The following MICAL3 variants were observed in gnomAD, a reference collection of about 807,000 sequenced individuals.
MICAL3 encodes microtubule associated monooxygenase, calponin and LIM domain containing 3, also known as [F-actin]-monooxygenase MICAL3.
A neutral mutation model predicts 207.4 loss-of-function variants in MICAL3; 62 were observed. The ratio of observed to expected loss-of-function variants is 0.30; its 90% CI spans 0.24 to 0.37. The LOEUF (loss-of-function observed/expected upper bound fraction) is 0.37, where lower values mean the gene tolerates loss of function less well. Ranked by LOEUF, MICAL3 falls within the 10% of genes least tolerant of loss-of-function variation. MICAL3 has a pLI of 1.00. For missense variants in MICAL3, 2,368 were observed against 2,635.6 expected (o/e 0.90, Z 2.22); for synonymous variants, 1,077 against 1,069.3 (o/e 1.01, Z -0.14).
At chr22:17,844,642 A>G (rs1924442622) in intron 19 of MICAL3, among the ~76,000 whole-genome samples, 1 of 152,240 alleles carries the variant, frequency 6.6e-6, no homozygotes, top group South Asian at 2.1e-4. Flanking sequence ...TGAAGGGGCA[A>G]AACACGAATA....
chr22:17,914,877 C>A (rs1932381768), intron 1 of MICAL3, among the ~76,000 whole-genome samples: 1 of 152,198 alleles, frequency 6.6e-6, no homozygotes, highest in Non-Finnish European at 1.5e-5. Flanking sequence ...TATGAGGAGT[C>A]AATGACAAAA....
In MICAL3 at chr22:17,796,705, G is replaced by A. The variant is rs556991606; in HGVS notation, c.5651-5404C>T. 3.6e-4 allele frequency among the ~76,000 whole-genome samples: 55 copies of A among 152,158 alleles called. No homozygotes were observed. Among genetic ancestry groups the A allele is most frequent in the Non-Finnish European group, 5.6e-4 (38 of 68,024 alleles). On this transcript the variant is annotated intron_variant, in intron 29 of 31. Coordinates refer to ENST00000441493, the MANE Select transcript of MICAL3 (RefSeq NM_015241.3). The surrounding 1 kb of genome is among the most constrained non-coding windows in gnomAD (Gnocchi z 4.4). ...GAGGCCCGATGTCCCTTCCTGCCTC[G>A]TCTTCTGAAGAGGCCCTGAGAGGGT...
chr22:17,870,800 T>C (rs1927648602), intron 17 of MICAL3, among the ~76,000 whole-genome samples: 1 of 152,164 alleles, frequency 6.6e-6, no homozygotes, highest in African/African-American at 2.4e-5. Context: ...GGAGTGCTTT[T>C]TACCAACATA....
intron 16 of MICAL3, among the ~76,000 whole-genome samples, chr22:17,880,292 A>G (rs1929301677): frequency 6.6e-6 from 1 of 152,222 alleles, no homozygotes; most frequent in Non-Finnish European, 1.5e-5. Flanking sequence ...AAACGGAGCC[A>G]GTAACAGCAC....
At chr22:17,816,588 C>A (rs1921021115) in intron 27 of MICAL3, 102 bp downstream of exon 27, 13 of 915,644 alleles carry the variant, frequency 1.4e-5, no homozygotes, top group Non-Finnish European at 2.2e-5. Context: ...AGCTGTCCAT[C>A]CCTGGCTTGC....
At chr22:17,847,396 T>C (rs1924744042) in intron 19 of MICAL3, among the ~76,000 whole-genome samples, 1 of 152,220 alleles carries the variant, frequency 6.6e-6, no homozygotes, top group African/African-American at 2.4e-5. Flanking sequence ...CTGTTTCCCA[T>C]GTCTGTAAGT....
chr22:17,933,931 T>C (rs1026409102), intron 1 of MICAL3, among the ~76,000 whole-genome samples: 1 of 152,180 alleles, frequency 6.6e-6, no homozygotes, highest in African/African-American at 2.4e-5. Flanking sequence ...AGGAAGAAGT[T>C]GAATCTCTGA....
chr22:17,981,065 CA>C, intron 1 of MICAL3: 1 of 335,552 alleles, frequency 3.0e-6, no homozygotes, highest in Non-Finnish European at 6.6e-6. Flanking sequence ...GACTGGTCTC[CA>C]AAAACATGTG....
intron 1 of MICAL3, among the ~76,000 whole-genome samples, chr22:18,016,963 C>A (rs1325241697): frequency 6.6e-6 from 1 of 151,610 alleles, no homozygotes; most frequent in Non-Finnish European, 1.5e-5. Flanking sequence ...AGTTTCTTTT[C>A]TTTCTGCAGT....
In MICAL3 at chr22:17,896,784, C is replaced by A; in HGVS notation, c.1146G>T (p.Leu382Phe). 6.2e-7 allele frequency: 1 copy of A among 1,614,044 alleles called. No homozygotes were observed. Residue 382 changes from leucine (L) to phenylalanine (F), a missense_variant, in exon 8 of 32, where the codon TTG (leucine) becomes TTT (phenylalanine). Leu to Phe is a conservative substitution (Grantham distance 22). This residue lies in a region of MICAL3 where 400 missense variants were observed against 547.0 expected (regional missense o/e 0.73). Transcript: ENST00000441493. ...ACTGGTGTCCGTTCTGCTCCCGCAC[C>A]AAGGCGGCGTTCTCGGAGGCATACA... ...TCMYASENAA[L>F]VREQNGHQLL...
chr22:17,957,815 A>G (rs1416495702), intron 1 of MICAL3, among the ~76,000 whole-genome samples: 1 of 152,116 alleles, frequency 6.6e-6, no homozygotes, highest in Non-Finnish European at 1.5e-5. Flanking sequence ...GAAGCTCTGA[A>G]GAAGATGAAA....
intron 1 of MICAL3, among the ~76,000 whole-genome samples, chr22:17,991,763 C>A (rs1261287953): frequency 2.0e-5 from 3 of 152,130 alleles, no homozygotes; most frequent in Non-Finnish European, 2.9e-5. Flanking sequence ...CTCATCATAT[C>A]CAGTAGTAAG....
At chr22:17,837,000 C>A (rs1242613040) in intron 20 of MICAL3, among the ~76,000 whole-genome samples, 1 of 152,200 alleles carries the variant, frequency 6.6e-6, no homozygotes, top group Non-Finnish European at 1.5e-5. Context: ...TTTAAATTAA[C>A]CTGCTCATAA....
chr22:17,992,444 C>A (rs1921786877), intron 1 of MICAL3, among the ~76,000 whole-genome samples: 1 of 152,218 alleles, frequency 6.6e-6, no homozygotes, highest in Non-Finnish European at 1.5e-5. Context: ...CCAGTTAAAT[C>A]CAGGTTACTG....
intron 1 of MICAL3, among the ~76,000 whole-genome samples, chr22:17,914,212 A>G (rs1408003287): frequency 1.3e-5 from 2 of 152,206 alleles, no homozygotes; most frequent in Non-Finnish European, 2.9e-5. Context: ...TCTCTGCTCC[A>G]TTATCACTCT....
At chr22:17,914,385 G>A (rs1303039921) in intron 1 of MICAL3, among the ~76,000 whole-genome samples, 1 of 152,188 alleles carries the variant, frequency 6.6e-6, no homozygotes, top group Middle Eastern at 3.4e-3. Context: ...CCACGCCTAT[G>A]GCATCTTCAC....
Position 17,818,462 on chromosome 22 carries a change from GA to G in MICAL3, c.4198del (p.Ser1400ProfsTer38). The G allele has an allele frequency of 6.2e-7, 1 of 1,613,060 alleles. No individual in the cohort carries two copies. Among genetic ancestry groups the G allele is most frequent in the Non-Finnish European group, 8.5e-7 (1 of 1,179,894 alleles). ...GLPKPEGEPL[S>X]LPTPRSPSDR... ...GGACGGGGACCGGGGGGTTGGCAGGGACAACGGCTCGCCTTCCGGCTTTGGC... is the reference window on the plus strand; with the variant it reads ...GGACGGGGACCGGGGGGTTGGCAGGGCAACGGCTCGCCTTCCGGCTTTGGC... On this transcript the variant is annotated frameshift_variant, in exon 26 of 32. Transcript: ENST00000441493. LOFTEE classifies it high-confidence loss of function.
At chr22:17,982,736 A>T (rs1157228682) in intron 1 of MICAL3, among the ~76,000 whole-genome samples, 31 of 139,344 alleles carry the variant, frequency 2.2e-4, no homozygotes, top group African/African-American at 8.9e-4. Context: ...TAACATAAAA[A>T]TAAAATAAAA....
intron 20 of MICAL3, among the ~76,000 whole-genome samples, chr22:17,835,438 G>T (rs1379668527): frequency 6.6e-6 from 1 of 152,224 alleles, no homozygotes; most frequent in African/African-American, 2.4e-5. Context: ...ATTTTCAAAG[G>T]ACTAGGGCAG....
Sources: gnomAD v4.1 joint callset for allele counts (sites outside exome capture counted in the v4.1 genomes callset) on GRCh38, gnomAD v4.1.1 for gene constraint, gnomAD v4.1.1 regional missense constraint, Gnocchi (gnomAD v3.1) non-coding constraint, MANE v1.5 for transcripts, NCBI Gene and HGNC (gene_info 2026-07-23, HGNC 2026-07-21) for gene names.